RSF1: variants seen among roughly 807,000 people sequenced by gnomAD.
The protein encoded by RSF1 is HBV pX-associated protein 8.
RSF1 carries 13 observed loss-of-function variants against 145.2 expected under a neutral mutation model. The ratio of observed to expected loss-of-function variants is 0.09; its 90% CI spans 0.06 to 0.14. The LOEUF (loss-of-function observed/expected upper bound fraction) is 0.14. RSF1 is among the 10% of genes least tolerant of loss of function. RSF1 has a pLI of 1.00. For synonymous variants in RSF1, 577 were observed against 592.6 expected, an observed-to-expected ratio of 0.97 and a Z score of 0.38; for missense variants, 1,517 against 1,718.2, an observed-to-expected ratio of 0.88 and a Z score of 2.07.
At chr11:77,822,556 C>T (rs1259052484), upstream of RSF1, among the ~76,000 whole-genome samples, 1 of 151,686 alleles carries the variant, frequency 6.6e-6, no homozygotes, top group African/African-American at 2.4e-5. Flanking sequence ...ACACAAACAC[C>T]GAATTTTTTT....
the RSF1 span, among the ~76,000 whole-genome samples, chr11:77,833,796 C>T: frequency 6.6e-6 from 1 of 152,214 alleles, no homozygotes; most frequent in Non-Finnish European, 1.5e-5. Flanking sequence ...TATATTAATA[C>T]TTATCTATCA....
intron 1 of RSF1, among the ~76,000 whole-genome samples, chr11:77,794,288 G>A (rs1325420552): frequency 6.6e-6 from 1 of 152,172 alleles, no homozygotes; most frequent in Admixed American, 6.5e-5. Flanking sequence ...CACAAAAGAA[G>A]TCTCAATTAA....
the RSF1 span, chr11:77,842,574 C>T: frequency 6.2e-7 from 1 of 1,613,994 alleles, no homozygotes; most frequent in South Asian, 1.1e-5. Flanking sequence ...ATAAGGACTG[C>T]AAAGTATGGC....
Position 77,725,618 on chromosome 11 carries a change from T to C in RSF1, c.660A>G (p.Gln220=), listed in dbSNP as rs368967298. ...TGGGACTTTCCCGAGAAGAGTTGTC[T>C]TGTTGGCTAGAGTTTTTCAATAGTA... ...DPVLLKNSSQ[Q]DNSSRESPSL... is the part of the protein sequence containing the mutation. Residue 220 remains glutamine (Q), a synonymous_variant, in exon 5 of 16, where the codon CAA becomes CAG. Coordinates refer to ENST00000308488, the MANE Select transcript of RSF1 (RefSeq NM_016578.4). 85 of 1,612,116 alleles carry C rather than the reference T, an allele frequency of 5.3e-5. No individual in the cohort carries two copies. The highest frequency in any genetic ancestry group is 7.0e-5 in the Non-Finnish European group (82 of 1,179,082).
the RSF1 span, among the ~76,000 whole-genome samples, chr11:77,863,151 G>A: frequency 6.6e-6 from 1 of 152,130 alleles, no homozygotes; most frequent in Non-Finnish European, 1.5e-5. Flanking sequence ...GAAGCCGTGG[G>A]TCACGGAAGA....
chr11:77,734,602 T>A (rs566961672), intron 4 of RSF1: 1 of 1,529,570 alleles, frequency 6.5e-7, no homozygotes, highest in Admixed American at 1.7e-5. Context: ...GGCTTTCACC[T>A]GCTCATTCAG....
Position 77,661,851 on chromosome 11 carries a change from G to C in RSF1, c.*5066C>G, listed in dbSNP as rs1959239496. The stretch of plus-strand genomic sequence containing the variant: ...GTTCCCCAATAACTATGTTCTGGCT[G>C]TTCATGAGCATGACGTGCAAGCTGC... On this transcript the variant is annotated 3_prime_UTR_variant, in exon 16 of 16. Transcript: ENST00000308488. 1 of 151,144 alleles carries C rather than the reference G, an allele frequency of 6.6e-6. No individual in the cohort carries two copies. Among genetic ancestry groups the C allele is most frequent in the Admixed American group, 6.6e-5 (1 of 15,162 alleles). 9.4% of individuals were successfully genotyped at this position (151,144 alleles called of 1,614,324 possible).
the RSF1 span, among the ~76,000 whole-genome samples, chr11:77,854,417 A>G: frequency 1.5e-4 from 23 of 152,240 alleles, no homozygotes; most frequent in Non-Finnish European, 2.6e-4. Context: ...GTTACTTCCA[A>G]GATACAATGG....
At chr11:77,694,825 T>C (rs1960243038) in intron 7 of RSF1, among the ~76,000 whole-genome samples, 1 of 152,212 alleles carries the variant, frequency 6.6e-6, no homozygotes, top group Non-Finnish European at 1.5e-5. Flanking sequence ...TGGTCCTTCT[T>C]TGTCTTCCCT....
At chr11:77,684,233 G>A (rs778441855) in intron 10 of RSF1, among the ~76,000 whole-genome samples, 9 of 152,064 alleles carry the variant, frequency 5.9e-5, no homozygotes, top group African/African-American at 1.9e-4. Flanking sequence ...TAATTAAGCC[G>A]GAATGAAATT....
chr11:77,725,060 T>C (rs748490895), intron 5 of RSF1, among the ~76,000 whole-genome samples: 1 of 152,186 alleles, frequency 6.6e-6, no homozygotes, highest in Non-Finnish European at 1.5e-5. Context: ...GAATGAGAGA[T>C]GCCAGGGGCT....
At chr11:77,736,326 T>C (rs1961351891) in intron 4 of RSF1, among the ~76,000 whole-genome samples, 1 of 152,242 alleles carries the variant, frequency 6.6e-6, no homozygotes, top group African/African-American at 2.4e-5. Context: ...AGTAAATTTC[T>C]GCTAGATAAA....
intron 2 of RSF1, among the ~76,000 whole-genome samples, chr11:77,750,588 T>C (rs1397717625): frequency 1.3e-5 from 2 of 152,156 alleles, no homozygotes; most frequent in Admixed American, 1.3e-4. Context: ...AGCCAGAAAT[T>C]AGCTGTGTCT....
chr11:77,738,543 C>T (rs1277488667), intron 4 of RSF1: 1 of 152,002 alleles, frequency 6.6e-6, no homozygotes, highest in Non-Finnish European at 1.5e-5. Context: ...AACCAGTGCC[C>T]CATGGATACC....
chr11:77,674,244 C>CT (rs946719623), intron 14 of RSF1, among the ~76,000 whole-genome samples: 2 of 152,148 alleles, frequency 1.3e-5, no homozygotes, highest in African/African-American at 4.8e-5. Context: ...GAGTCTGATA[C>CT]TCATATCTAT....
At chr11:77,742,292 CTTTTTT>C (rs1030843734) in intron 3 of RSF1, among the ~76,000 whole-genome samples, 1 of 151,474 alleles carries the variant, frequency 6.6e-6, no homozygotes, top group Non-Finnish European at 1.5e-5. Flanking sequence ...TTTCTTTTTT[CTTTTTT>C]AAGACAGAGT....
chr11:77,863,507 G>A, the RSF1 span, among the ~76,000 whole-genome samples: 1 of 152,188 alleles, frequency 6.6e-6, no homozygotes, highest in African/African-American at 2.4e-5. Flanking sequence ...TTGTGCCTCA[G>A]CCTCCTGAGT....
intron 11 of RSF1, among the ~76,000 whole-genome samples, chr11:77,678,924 T>C (rs1333619974): frequency 1.3e-5 from 2 of 152,240 alleles, no homozygotes; most frequent in Admixed American, 6.5e-5. Context: ...GAAATAAATT[T>C]CTGTTGATTA....
chr11:77,742,120 C>T (rs562412331), intron 3 of RSF1, among the ~76,000 whole-genome samples: 56 of 152,314 alleles, frequency 3.7e-4, no homozygotes, highest in African/African-American at 1.3e-3. Context: ...AGTGCAGATA[C>T]CACTTCAAGA....
Sources: allele counts gnomAD v4.1 joint callset (sites outside exome capture counted in the v4.1 genomes callset), GRCh38; gene constraint gnomAD v4.1.1; transcripts MANE v1.5; gene names NCBI Gene and HGNC (gene_info 2026-07-23, HGNC 2026-07-21).